The following MORC3 variants were observed in gnomAD, a reference collection of about 807,000 sequenced individuals.
The protein encoded by MORC3 is MORC family CW-type zinc finger 3, also known as MORC family CW-type zinc finger protein 3.
MORC3 carries 31 observed loss-of-function variants against 109.1 expected under a neutral mutation model. That is an observed-to-expected ratio of 0.28 (90% CI 0.21 to 0.38). The LOEUF (loss-of-function observed/expected upper bound fraction) is 0.38. Ranked by LOEUF, MORC3 falls within the 10% of genes least tolerant of loss-of-function variation. The probability of loss-of-function intolerance (pLI) is 1.00; values close to 1 mark genes in which losing one functional copy is unlikely to be tolerated. For synonymous variants in MORC3, 395 were observed against 380.7 expected, an observed-to-expected ratio of 1.04 and a Z score of -0.44; for missense variants, 867 against 1,135.8, an observed-to-expected ratio of 0.76 and a Z score of 3.40.
chr21:36,340,350 G>C (rs1161737391), intron 5 of MORC3, among the ~76,000 whole-genome samples: 1 of 150,980 alleles, frequency 6.6e-6, no homozygotes, highest in African/African-American at 2.4e-5. Context: ...ATACAGTCAA[G>C]ATGCAGGACA....
chr21:36,320,382 G>A (rs917451710), intron 1 of MORC3, 79 bp downstream of exon 1: 150 of 1,232,574 alleles, frequency 1.2e-4, no homozygotes, highest in Non-Finnish European at 1.5e-4. Context: ...GCAGTGGGCG[G>A]TGGCGGCTTG....
At chr21:36,349,834 G>T (rs2085551162) in intron 9 of MORC3, among the ~76,000 whole-genome samples, 1 of 152,196 alleles carries the variant, frequency 6.6e-6, no homozygotes, top group African/African-American at 2.4e-5. Flanking sequence ...GAGCTGGTCT[G>T]TAGAGGGAGC....
chr21:36,338,791 G>A lies in MORC3; in HGVS notation c.478G>A (p.Ala160Thr), dbSNP rs2085402744. 1 of 1,613,298 alleles carries A rather than the reference G, an allele frequency of 6.2e-7. No individual in the cohort carries two copies. Among genetic ancestry groups the A allele is most frequent in the South Asian group, 1.1e-5 (1 of 91,040 alleles). ...FNKHRQMINLAESKASLAAIL... is the reference protein window; with the variant it reads ...FNKHRQMINLTESKASLAAIL... ...TGATATACGACAGATGATTAATTTA[G>A]CAGAATCAAAAGCCAGCCTTGCTGC... The change falls in exon 5 of 17, where the codon GCA becomes ACA. Residue 160 changes from alanine (A) to threonine (T), a missense_variant. Coordinates refer to ENST00000400485, the MANE Select transcript of MORC3 (RefSeq NM_015358.3).
At chr21:36,345,089 A>G in intron 8 of MORC3, 58 bp downstream of exon 8, 1 of 1,479,884 alleles carries the variant, frequency 6.8e-7, no homozygotes, top group Non-Finnish European at 9.2e-7. Context: ...AGTTAGGATA[A>G]TATATGCTCT....
rs776229634 is a variant in MORC3 at position 36,336,926 on chromosome 21, A to G, written c.165A>G (p.Thr55=). ...CTAAACAAATATGGATTGACAAAAC[A>G]GTGATAAATGACCATATATGCTTGA... ...VNAKQIWIDK[T]VINDHICLTF... Residue 55 remains threonine, a synonymous_variant, in exon 3 of 17, where the codon ACA becomes ACG. Coordinates refer to ENST00000400485, the MANE Select transcript of MORC3 (RefSeq NM_015358.3). 1.1e-5 allele frequency: 17 copies of G among 1,613,314 alleles called. No homozygotes were observed. In the South Asian group the frequency reaches 1.9e-4, roughly 18 times the overall value.
Position 36,341,438 on chromosome 21 carries a change from A to G in MORC3, c.648A>G (p.Lys216=), listed in dbSNP as rs1287345022. The G allele has an allele frequency of 4.3e-6, 7 of 1,612,146 alleles. No individual in the cohort carries two copies. Among genetic ancestry groups the G allele is most frequent in the African/African-American group, 1.3e-5 (1 of 74,974 alleles). Residue 216 remains lysine (K), a synonymous_variant, in exon 6 of 17, where the codon AAA becomes AAG. Transcript: ENST00000400485. ...CAGAGTTCGATTTTGAAAAGGATAAATATGATATCAGAATTCCCGAGGATT... is the reference window on the plus strand; with the variant it reads ...CAGAGTTCGATTTTGAAAAGGATAAGTATGATATCAGAATTCCCGAGGATT... ...NATEFDFEKD[K]YDIRIPEDLD...
intron 14 of MORC3, among the ~76,000 whole-genome samples, chr21:36,365,801 C>T (rs1038778386): frequency 1.3e-5 from 2 of 152,072 alleles, no homozygotes; most frequent in African/African-American, 2.4e-5. Flanking sequence ...AGGATAGTCT[C>T]GAACTCCTGA....
At chr21:36,341,861 A>G (rs1221375946) in intron 6 of MORC3, among the ~76,000 whole-genome samples, 1 of 152,246 alleles carries the variant, frequency 6.6e-6, no homozygotes, top group Non-Finnish European at 1.5e-5. Flanking sequence ...TTATCTTATT[A>G]GAATCAATAT....
chr21:36,341,319 T>A, intron 5 of MORC3, 80 bp from the exon 6 acceptor site: 1 of 1,358,526 alleles, frequency 7.4e-7, no homozygotes. Context: ...TTTGCTTACC[T>A]TTTTAATGAC....
intron 2 of MORC3, among the ~76,000 whole-genome samples, chr21:36,336,165 A>G (rs1046420579): frequency 9.3e-5 from 14 of 150,838 alleles, no homozygotes; most frequent in African/African-American, 2.9e-4. Flanking sequence ...TCCTGACCTC[A>G]GGTGATCTGC....
chr21:36,369,256 T>A lies in MORC3; in HGVS notation c.1888T>A (p.Ser630Thr). 1 of 1,614,124 alleles carries A rather than the reference T, an allele frequency of 6.2e-7. No homozygotes were observed. The highest frequency in any genetic ancestry group is 8.5e-7 in the Non-Finnish European group (1 of 1,180,040). ...GQTGSTSTSSSRCDQGNTAAT... is the reference protein window; with the variant it reads ...GQTGSTSTSSTRCDQGNTAAT... Reference sequence around the variant, plus strand: ...GACTGGTTCAACAAGCACCTCATCATCCCGATGCGACCAGGGAAATACTGC... The same window carrying A: ...GACTGGTTCAACAAGCACCTCATCAACCCGATGCGACCAGGGAAATACTGC... The change falls in exon 15 of 17, where the codon TCC becomes ACC. Residue 630 changes from serine to threonine, a missense_variant. Ser to Thr is a moderately conservative substitution (Grantham distance 58, BLOSUM62 1). Transcript: ENST00000400485.
intron 6 of MORC3, 94 bp from the exon 7 acceptor site, chr21:36,344,485 T>C: frequency 7.3e-7 from 1 of 1,369,374 alleles, no homozygotes; most frequent in South Asian, 1.4e-5. Context: ...ATTGATCTTT[T>C]ATCAAGTTAA....
intron 16 of MORC3, among the ~76,000 whole-genome samples, chr21:36,373,321 C>CA (rs1346625651): frequency 6.6e-6 from 1 of 150,890 alleles, no homozygotes; most frequent in East Asian, 1.9e-4. Flanking sequence ...GCCTGGGTGA[C>CA]AGAGCAAGAC....
chr21:36,356,805 C>A, intron 10 of MORC3, 81 bp downstream of exon 10: 1 of 868,818 alleles, frequency 1.2e-6, no homozygotes, highest in Non-Finnish European at 1.7e-6. Flanking sequence ...TACAATGTTT[C>A]ACAAACTTAG....
At chr21:36,360,372 T>G in intron 12 of MORC3, 114 bp downstream of exon 12, 1 of 1,084,106 alleles carries the variant, frequency 9.2e-7, no homozygotes, top group South Asian at 1.5e-5. Flanking sequence ...TGAAAAAGTT[T>G]ATAATGTGGA....
intron 2 of MORC3, among the ~76,000 whole-genome samples, chr21:36,336,231 T>C (rs984393096): frequency 6.8e-6 from 1 of 146,110 alleles, no homozygotes; most frequent in African/African-American, 2.6e-5. Flanking sequence ...ATGGTCAGCT[T>C]TTTTGTTTTT....
intron 4 of MORC3, 34 bp from the exon 5 acceptor site, chr21:36,338,740 T>C (rs750802170): frequency 6.4e-7 from 1 of 1,556,098 alleles, no homozygotes; most frequent in South Asian, 1.2e-5. Context: ...ATGAAAACTA[T>C]GTTGTCAATC....
intron 1 of MORC3, among the ~76,000 whole-genome samples, chr21:36,323,466 G>A (rs1004715305): frequency 6.6e-6 from 1 of 152,094 alleles, no homozygotes; most frequent in Admixed American, 6.6e-5. Context: ...AATAATGTTT[G>A]CTGTTTTTGT....
At chr21:36,362,159 A>T in intron 12 of MORC3, 24 bp from the exon 13 acceptor site, 1 of 1,610,806 alleles carries the variant, frequency 6.2e-7, no homozygotes, top group Non-Finnish European at 8.5e-7. Flanking sequence ...AAATAACAAC[A>T]TGTTTTTCAT....
Sources: allele counts gnomAD v4.1 joint callset (sites outside exome capture counted in the v4.1 genomes callset), GRCh38; gene constraint gnomAD v4.1.1; transcripts MANE v1.5; gene names NCBI Gene and HGNC (gene_info 2026-07-23, HGNC 2026-07-21).